MME: variants seen among roughly 807,000 people sequenced by gnomAD.
MME encodes membrane metalloendopeptidase, also known as neprilysin.
A neutral mutation model predicts 113.2 loss-of-function variants in MME; 98 were observed. That is an observed-to-expected ratio of 0.87 (90% CI 0.74 to 1.02). The LOEUF is 1.02. MME is among the 50% of genes least tolerant of loss of function. The probability of loss-of-function intolerance (pLI) is 0.00; values close to 1 mark genes in which losing one functional copy is unlikely to be tolerated. For synonymous variants in MME, 292 were observed against 300.6 expected (o/e 0.97, Z 0.30); for missense variants, 836 against 896.0 (o/e 0.93, Z 0.86).
chr3:155,054,222 A>G (rs994531705), intron 1 of MME, among the ~76,000 whole-genome samples: 5 of 152,056 alleles, frequency 3.3e-5, no homozygotes, highest in Admixed American at 6.5e-5. Flanking sequence ...TTTTGGGACT[A>G]TGTTTCCTTC....
chr3:155,166,307 A>C (rs1559961659), intron 17 of MME, among the ~76,000 whole-genome samples: 1 of 152,168 alleles, frequency 6.6e-6, no homozygotes, highest in Non-Finnish European at 1.5e-5. Context: ...AAAAGGAAGG[A>C]CTGTGATCAT....
chr3:155,055,727 C>G (rs1394202433), intron 1 of MME, among the ~76,000 whole-genome samples: 1 of 151,992 alleles, frequency 6.6e-6, no homozygotes, highest in Non-Finnish European at 1.5e-5. Context: ...TAGAAAGGAG[C>G]CCAAAGAGGT....
At chr3:155,156,705 A>G (rs1310644623) in intron 16 of MME, among the ~76,000 whole-genome samples, 1 of 152,146 alleles carries the variant, frequency 6.6e-6, no homozygotes, top group Non-Finnish European at 1.5e-5. Flanking sequence ...TTGTGATTAC[A>G]AGGTAAGAAT....
chr3:155,071,347 G>A (rs1046533163), intron 1 of MME, among the ~76,000 whole-genome samples: 1 of 152,158 alleles, frequency 6.6e-6, no homozygotes. Flanking sequence ...TCAGCACATG[G>A]AACAGTTTAG....
intron 3 of MME, among the ~76,000 whole-genome samples, chr3:155,100,882 T>C (rs372297451): frequency 3.4e-4 from 51 of 152,216 alleles, no homozygotes; most frequent in Admixed American, 1.6e-3. Flanking sequence ...TTAGTAGCAA[T>C]TGGTGCTATG....
intron 1 of MME, chr3:155,024,366 C>A (rs1712702903): frequency 6.6e-6 from 1 of 152,180 alleles, no homozygotes; most frequent in African/African-American, 2.4e-5. Context: ...TTACTAACTG[C>A]TTAACTTTAG....
chr3:155,134,609 A>G (rs897055048), intron 8 of MME, among the ~76,000 whole-genome samples: 8 of 152,152 alleles, frequency 5.3e-5, no homozygotes, highest in East Asian at 3.9e-4. Flanking sequence ...AAATGAGTGC[A>G]TAAGTCTTTG....
upstream of MME, among the ~76,000 whole-genome samples, chr3:155,076,261 C>G (rs898253442): frequency 6.6e-6 from 1 of 152,146 alleles, no homozygotes; most frequent in Admixed American, 6.5e-5. Flanking sequence ...CTGAAAAAAG[C>G]AAGTATATCT....
intron 8 of MME, among the ~76,000 whole-genome samples, chr3:155,136,652 T>C (rs1720658897): frequency 6.6e-6 from 1 of 152,228 alleles, no homozygotes; most frequent in South Asian, 2.1e-4. Flanking sequence ...CTTAAGTTCT[T>C]GCTTGATCGA....
At chr3:155,093,105 A>G (rs1576715261) in intron 3 of MME, among the ~76,000 whole-genome samples, 1 of 151,044 alleles carries the variant, frequency 6.6e-6, no homozygotes, top group African/African-American at 2.4e-5. Context: ...CCATCTCTCC[A>G]ATGTCCATTT....
At chr3:155,078,228 A>T (rs1714833747), upstream of MME, among the ~76,000 whole-genome samples, 2 of 152,152 alleles carry the variant, frequency 1.3e-5, no homozygotes, top group South Asian at 4.1e-4. Flanking sequence ...GTAGGAAAAA[A>T]AAATTCCAGT....
chr3:155,126,036 A>G (rs1719622635), intron 8 of MME, among the ~76,000 whole-genome samples: 1 of 152,186 alleles, frequency 6.6e-6, no homozygotes, highest in African/African-American at 2.4e-5. Flanking sequence ...AATTCACTGT[A>G]AGGTATCTTT....
intron 11 of MME, 39 bp downstream of exon 11, chr3:155,142,166 T>C (rs781456154): frequency 6.2e-7 from 1 of 1,613,608 alleles, no homozygotes; most frequent in South Asian, 1.1e-5. Context: ...AAAGTTTGCA[T>C]TTCATATCAC....
intron 1 of MME, among the ~76,000 whole-genome samples, chr3:155,061,168 G>A (rs1559895902): frequency 2.0e-5 from 3 of 152,154 alleles, no homozygotes; most frequent in Admixed American, 6.5e-5. Flanking sequence ...TAAAAGTATC[G>A]CCGGGCGGGC....
intron 1 of MME, among the ~76,000 whole-genome samples, chr3:155,027,938 C>T (rs1400046822): frequency 6.6e-6 from 1 of 152,162 alleles, no homozygotes; most frequent in African/African-American, 2.4e-5. Flanking sequence ...TTCATCAGCA[C>T]AATCAAATAG....
intron 1 of MME, among the ~76,000 whole-genome samples, chr3:155,026,926 T>G (rs1712805751): frequency 6.6e-6 from 1 of 152,166 alleles, no homozygotes; most frequent in African/African-American, 2.4e-5. Flanking sequence ...ACAATAGATT[T>G]GCTACTTTAT....
At chr3:155,135,650 T>C (rs1720564153) in intron 8 of MME, among the ~76,000 whole-genome samples, 1 of 152,160 alleles carries the variant, frequency 6.6e-6, no homozygotes, top group African/African-American at 2.4e-5. Context: ...ATTTTAGAAT[T>C]GTTTTTTCTA....
chr3:155,089,489 G>T (rs938696636), intron 3 of MME, among the ~76,000 whole-genome samples: 1 of 152,166 alleles, frequency 6.6e-6, no homozygotes, highest in Non-Finnish European at 1.5e-5. Context: ...CCAACTAGAT[G>T]TCCAGTAGCA....
intron 16 of MME, among the ~76,000 whole-genome samples, chr3:155,154,212 T>C (rs1280911702): frequency 1.3e-5 from 2 of 152,078 alleles, no homozygotes; most frequent in Non-Finnish European, 2.9e-5. Context: ...TCTGGTGCAA[T>C]TGGATGGTGG....
Sources: gnomAD v4.1 joint callset for allele counts (sites outside exome capture counted in the v4.1 genomes callset) on GRCh38, gnomAD v4.1.1 for gene constraint, MANE v1.5 for transcripts, NCBI Gene and HGNC (gene_info 2026-07-23, HGNC 2026-07-21) for gene names.